The following RAB12 variants were observed in gnomAD, a reference collection of about 807,000 sequenced individuals.
RAB12 encodes RAB12, member RAS oncogene family.
RAB12 carries 11 observed loss-of-function variants against 28.4 expected under a neutral mutation model. The ratio of observed to expected loss-of-function variants is 0.39; its 90% CI spans 0.24 to 0.64. RAB12 has a LOEUF of 0.64. Ranked by LOEUF, RAB12 falls within the 30% of genes least tolerant of loss-of-function variation. The pLI, the probability that RAB12 is intolerant of heterozygous loss-of-function variation, is 0.50. For synonymous variants in RAB12, 138 were observed against 145.3 expected (o/e 0.95, Z 0.36); for missense variants, 276 against 351.1 (o/e 0.79, Z 1.71).
At chr18:8,621,138 C>T (rs754150068) in intron 1 of RAB12, among the ~76,000 whole-genome samples, 7 of 152,098 alleles carry the variant, frequency 4.6e-5, no homozygotes, top group African/African-American at 1.4e-4. Flanking sequence ...CCTCTTTGTC[C>T]CTTGGTTGTT....
intron 2 of RAB12, among the ~76,000 whole-genome samples, chr18:8,630,750 A>G (rs1387281211): frequency 6.6e-6 from 1 of 152,254 alleles, no homozygotes; most frequent in Non-Finnish European, 1.5e-5. Flanking sequence ...ACGCTTTTAG[A>G]TTTCAAAGGA....
intron 4 of RAB12, among the ~76,000 whole-genome samples, chr18:8,636,021 G>C (rs1440671543): frequency 6.6e-6 from 1 of 152,212 alleles, no homozygotes; most frequent in African/African-American, 2.4e-5. Context: ...TTAGGCAACT[G>C]ATTTGACTGG....
intron 4 of RAB12, 72 bp from the exon 5 acceptor site, chr18:8,636,181 C>G (rs2148712281): frequency 2.1e-6 from 2 of 959,424 alleles, no homozygotes; most frequent in East Asian, 4.9e-5. Context: ...GAAGCTGAGC[C>G]CAGAGACCTC....
At chr18:8,629,899 C>T (rs1349104574) in intron 2 of RAB12, among the ~76,000 whole-genome samples, 1 of 152,170 alleles carries the variant, frequency 6.6e-6, no homozygotes. Flanking sequence ...TCCACTGTGG[C>T]GCACTTGGTT....
At chr18:8,619,413 C>G (rs1398759891) in intron 1 of RAB12, among the ~76,000 whole-genome samples, 1 of 152,180 alleles carries the variant, frequency 6.6e-6, no homozygotes, top group African/African-American at 2.4e-5. Flanking sequence ...AAATGTTTCG[C>G]TTTAAGGGGA....
At chr18:8,613,586 A>G (rs2096005038) in intron 1 of RAB12, among the ~76,000 whole-genome samples, 1 of 152,180 alleles carries the variant, frequency 6.6e-6, no homozygotes, top group South Asian at 2.1e-4. Context: ...CAACTCCATA[A>G]AATTACATAT....
At chr18:8,619,398 T>C (rs2096008520) in intron 1 of RAB12, among the ~76,000 whole-genome samples, 1 of 152,230 alleles carries the variant, frequency 6.6e-6, no homozygotes, top group Admixed American at 6.5e-5. Context: ...GAAACAGTAG[T>C]GTGCAAATGT....
At chr18:8,619,195 A>C (rs1005144540) in intron 1 of RAB12, among the ~76,000 whole-genome samples, 1 of 152,212 alleles carries the variant, frequency 6.6e-6, no homozygotes, top group African/African-American at 2.4e-5. Flanking sequence ...GGTCTGGTCC[A>C]AACTCCAGAT....
At chr18:8,619,616 C>T (rs1292075488) in intron 1 of RAB12, among the ~76,000 whole-genome samples, 1 of 152,004 alleles carries the variant, frequency 6.6e-6, no homozygotes, top group Non-Finnish European at 1.5e-5. Context: ...TTATAATAAC[C>T]TTTCATTGTG....
intron 1 of RAB12, among the ~76,000 whole-genome samples, chr18:8,610,451 A>G (rs1310267580): frequency 6.6e-6 from 1 of 152,262 alleles, no homozygotes; most frequent in Admixed American, 6.5e-5. Flanking sequence ...TGTTAAAACT[A>G]AAACTACAGT....
chr18:8,635,486 A>G (rs1430927034), intron 3 of RAB12, 47 bp from the exon 4 acceptor site: 3 of 1,353,396 alleles, frequency 2.2e-6, no homozygotes, highest in Non-Finnish European at 3.2e-6. Context: ...CTGTCAGTAT[A>G]TGGCGATGCC....
intron 1 of RAB12, among the ~76,000 whole-genome samples, chr18:8,624,284 G>A (rs866201916): frequency 2.0e-5 from 3 of 152,188 alleles, no homozygotes; most frequent in African/African-American, 4.8e-5. Context: ...TGAAAACTTG[G>A]TTTTAAAAAT....
intron 2 of RAB12, among the ~76,000 whole-genome samples, chr18:8,626,294 C>T (rs1388190734): frequency 6.6e-6 from 1 of 152,190 alleles, no homozygotes; most frequent in Non-Finnish European, 1.5e-5. Context: ...AAGGTAAAGA[C>T]CATCTTCACA....
intron 1 of RAB12, among the ~76,000 whole-genome samples, chr18:8,620,983 A>C (rs903283434): frequency 2.6e-5 from 4 of 152,146 alleles, no homozygotes; most frequent in Non-Finnish European, 5.9e-5. Flanking sequence ...ATGGTGTGTT[A>C]ATTTAGGTCA....
chr18:8,616,932 AAAG>A (rs1282259172), intron 1 of RAB12, among the ~76,000 whole-genome samples: 1 of 152,066 alleles, frequency 6.6e-6, no homozygotes, highest in Non-Finnish European at 1.5e-5. Context: ...TTGTCTCAAA[AAAG>A]AAAAAACACT....
chr18:8,615,001 G>C lies in RAB12; in HGVS notation c.514+5048G>C, dbSNP rs543252056. ...GTGAAGCCCTTTAACTCCGCTGCAG[G>C]CCGCAGTCCTGTGTGCTCTCTGCCT... On this transcript the variant is annotated intron_variant, in intron 1 of 5. Transcript: ENST00000649141. 6.4e-4 allele frequency among the ~76,000 whole-genome samples: 97 copies of C among 152,304 alleles called. 1 individual carries two copies. Among genetic ancestry groups the C allele is most frequent in the African/African-American group, 2.2e-3 (91 of 41,556 alleles).
At chr18:8,625,249 C>G (rs71362032) in intron 2 of RAB12, among the ~76,000 whole-genome samples, 1 of 152,196 alleles carries the variant, frequency 6.6e-6, no homozygotes, top group Non-Finnish European at 1.5e-5. Flanking sequence ...TAGTTTGGAA[C>G]CTTTTTGCCT....
chr18:8,609,646 C>A lies in RAB12; in HGVS notation c.207C>A (p.Ala69=), dbSNP rs2096002512. The A allele has an allele frequency of 1.4e-6, 1 of 738,458 alleles. No individual in the cohort carries two copies. Among genetic ancestry groups the A allele is most frequent in the Non-Finnish European group, 1.6e-6 (1 of 607,998 alleles). 45.7% of individuals were successfully genotyped at this position (738,458 alleles called of 1,614,324 possible). A position where few individuals can be genotyped will look rare whatever the true frequency, so the allele number is the denominator to read the frequency against. The change falls in exon 1 of 6, where the codon GCC becomes GCA. Residue 69 remains alanine, a synonymous_variant. Transcript: ENST00000649141. ...CCGACCCCCCGCGCGCGGCGGAGGC[C>A]GAGGGGGCGCCGGGGCCCGGGGCGC... is the stretch of plus-strand genomic sequence containing the variant. ...PGADPPRAAE[A]EGAPGPGARS... is the part of the protein sequence containing the mutation.
intron 5 of RAB12, 29 bp from the exon 6 acceptor site, chr18:8,638,120 G>A (rs760399488): frequency 1.5e-5 from 22 of 1,507,388 alleles, no homozygotes; most frequent in East Asian, 4.5e-5. Context: ...AAGTTAAAAC[G>A]GATTTTTTTT....
Sources: allele counts gnomAD v4.1 joint callset (sites outside exome capture counted in the v4.1 genomes callset), GRCh38; gene constraint gnomAD v4.1.1; transcripts MANE v1.5; gene names NCBI Gene and HGNC (gene_info 2026-07-23, HGNC 2026-07-21).